CCDC146: variants seen among roughly 807,000 people sequenced by gnomAD.
The protein encoded by CCDC146 is coiled-coil domain containing 146.
CCDC146 carries 92 observed loss-of-function variants against 119.3 expected under a neutral mutation model. The ratio of observed to expected loss-of-function variants is 0.77; its 90% CI spans 0.65 to 0.92. The LOEUF (loss-of-function observed/expected upper bound fraction) is 0.92. Ranked by LOEUF, CCDC146 falls within the 40% of genes least tolerant of loss-of-function variation. The pLI, the probability that CCDC146 is intolerant of heterozygous loss-of-function variation, is 0.00. For missense variants in CCDC146, 1,000 were observed against 1,103.0 expected, an observed-to-expected ratio of 0.91 and a Z score of 1.32; for synonymous variants, 372 against 371.8, an observed-to-expected ratio of 1.00 and a Z score of -0.01.
chr7:77,128,071 G>T (rs1790714589), intron 1 of CCDC146, among the ~76,000 whole-genome samples: 1 of 151,524 alleles, frequency 6.6e-6, no homozygotes, highest in Non-Finnish European at 1.5e-5. Context: ...ACCTTCTCTT[G>T]CCTTTTTAAT....
chr7:77,260,304 A>G, intron 8 of CCDC146, 68 bp downstream of exon 8: 1 of 1,131,530 alleles, frequency 8.8e-7, no homozygotes, highest in Non-Finnish European at 1.2e-6. Context: ...TTGAGAATTC[A>G]AAATCTCACT....
intron 4 of CCDC146, among the ~76,000 whole-genome samples, chr7:77,254,246 C>T (rs1382119656): frequency 6.6e-6 from 1 of 152,118 alleles, no homozygotes; most frequent in Non-Finnish European, 1.5e-5. Context: ...TGTCCCGAGG[C>T]CCGTGGTCCC....
chr7:77,274,668 T>A lies in CCDC146; in HGVS notation c.1440+16T>A, dbSNP rs1294412841. 8 of 1,598,104 alleles carry A rather than the reference T, an allele frequency of 5.0e-6. No individual in the cohort carries two copies. In the Admixed American group the frequency reaches 5.3e-5, roughly 11 times the overall value. Reference sequence around the variant, plus strand: ...GAAAGCTCAGGTAACTGCATTTTTTTAACCATTCATTGATAACTACAAGAG... The same window carrying A: ...GAAAGCTCAGGTAACTGCATTTTTTAAACCATTCATTGATAACTACAAGAG... On this transcript the variant is annotated intron_variant, in intron 11 of 18. Transcript: ENST00000285871.
chr7:77,260,136 G>A lies in CCDC146; in HGVS notation c.886G>A (p.Gly296Ser), dbSNP rs766948572. 3.7e-6 allele frequency: 6 copies of A among 1,613,778 alleles called. No individual in the cohort carries two copies. In the Admixed American group the frequency reaches 8.3e-5, roughly 22 times the overall value. Residue 296 changes from glycine (G) to serine (S), a missense_variant, in exon 8 of 19, where the codon GGC becomes AGC. Around this residue, in one of 2 missense-constraint regions of CCDC146, gnomAD observed 985 missense variants for 1,045.3 expected, o/e 0.94. Coordinates refer to ENST00000285871, the MANE Select transcript of CCDC146 (RefSeq NM_020879.3). The stretch of plus-strand genomic sequence containing the variant: ...GGAAAATGTAATAAAGGAAGTTGAA[G>A]GCAAACGAGCCTTACTTGAAATCAA... The part of the protein sequence containing the change: ...EKENVIKEVE[G>S]KRALLEIKER...
intron 5 of CCDC146, 75 bp from the exon 6 acceptor site, chr7:77,256,258 A>G (rs756180382): frequency 7.0e-6 from 7 of 1,007,056 alleles, no homozygotes; most frequent in African/African-American, 1.6e-5. Flanking sequence ...GGGTGAAATT[A>G]GTTTTAGTTC....
intron 2 of CCDC146, among the ~76,000 whole-genome samples, chr7:77,200,069 A>G (rs1460382949): frequency 6.6e-6 from 1 of 152,252 alleles, no homozygotes; most frequent in East Asian, 1.9e-4. Flanking sequence ...TTTATGAAGT[A>G]TAAGAAAAGT....
chr7:77,133,851 A>ACACACC (rs1347345522), intron 1 of CCDC146, among the ~76,000 whole-genome samples: 4 of 142,138 alleles, frequency 2.8e-5, no homozygotes, highest in Admixed American at 6.9e-5. Context: ...ACACACACAC[A>ACACACC]CACTCACACA....
At chr7:77,206,649 A>G (rs1792084962) in intron 2 of CCDC146, among the ~76,000 whole-genome samples, 1 of 37,378 alleles carries the variant, frequency 2.7e-5, no homozygotes, top group Non-Finnish European at 4.6e-5. Flanking sequence ...AGAAACATAC[A>G]TATATATATA....
chr7:77,199,023 C>A, intron 2 of CCDC146: 1 of 649,564 alleles, frequency 1.5e-6, no homozygotes, highest in South Asian at 2.0e-5. Flanking sequence ...TTTATGTGGT[C>A]ATATTTGAGA....
chr7:77,154,770 G>T (rs1791157737), intron 1 of CCDC146, among the ~76,000 whole-genome samples: 2 of 152,168 alleles, frequency 1.3e-5, no homozygotes, highest in Non-Finnish European at 2.9e-5. Context: ...ACATGTGCGT[G>T]CATGTGTCTT....
At chr7:77,264,836 G>C (rs1793370451) in intron 9 of CCDC146, among the ~76,000 whole-genome samples, 1 of 152,098 alleles carries the variant, frequency 6.6e-6, no homozygotes, top group African/African-American at 2.4e-5. Context: ...CCTTGTTTTA[G>C]ATATGCATCA....
At chr7:77,240,585 G>C (rs1792824438) in intron 3 of CCDC146, among the ~76,000 whole-genome samples, 1 of 152,192 alleles carries the variant, frequency 6.6e-6, no homozygotes, top group Non-Finnish European at 1.5e-5. Context: ...TGGTTGTTAT[G>C]CTGTATTGTT....
intron 2 of CCDC146, chr7:77,195,375 CATT>C (rs750188962): frequency 1.2e-4 from 18 of 152,132 alleles, no homozygotes; most frequent in Non-Finnish European, 2.1e-4. Context: ...TTTGGGGTGA[CATT>C]ATGCTACCAC....
At chr7:77,190,492 G>A (rs1397907931) in intron 2 of CCDC146, among the ~76,000 whole-genome samples, 1 of 152,148 alleles carries the variant, frequency 6.6e-6, no homozygotes, top group Non-Finnish European at 1.5e-5. Flanking sequence ...CTGATGAGTG[G>A]GATGAAGGAG....
intron 1 of CCDC146, among the ~76,000 whole-genome samples, chr7:77,142,549 T>G: frequency 6.6e-6 from 1 of 152,072 alleles, no homozygotes; most frequent in East Asian, 1.9e-4. Context: ...TATCTCCTAA[T>G]GCTTTCCCTC....
chr7:77,273,907 G>A, intron 10 of CCDC146, 118 bp downstream of exon 10: 1 of 532,440 alleles, frequency 1.9e-6, no homozygotes. Flanking sequence ...GTATGATCCT[G>A]CTTCATGTGG....
intron 2 of CCDC146, among the ~76,000 whole-genome samples, chr7:77,218,735 A>G (rs1410497208): frequency 1.3e-5 from 2 of 149,366 alleles, no homozygotes; most frequent in Non-Finnish European, 3.0e-5. Context: ...AATAACTGCC[A>G]TTTTTTTTTA....
At chr7:77,288,766 G>A (rs1009230302) in intron 17 of CCDC146, among the ~76,000 whole-genome samples, 1 of 152,234 alleles carries the variant, frequency 6.6e-6, no homozygotes, top group Non-Finnish European at 1.5e-5. Flanking sequence ...GGGGGAGACA[G>A]ATGAAAACAG....
In CCDC146 at chr7:77,236,919, A is replaced by G. The variant is rs375868858; in HGVS notation, c.157-28A>G. On this transcript the variant is annotated intron_variant, in intron 2 of 18. Transcript: ENST00000285871. ...CTTAAGCCTAAAGAGAATGGTGATTAACAGTGACCTTATGTTCTCTTTGCT... is the reference window on the plus strand; with the variant it reads ...CTTAAGCCTAAAGAGAATGGTGATTGACAGTGACCTTATGTTCTCTTTGCT... The G allele has an allele frequency of 5.2e-6, 8 of 1,538,324 alleles. No individual in the cohort carries two copies. The African/African-American group carries it at 1.1e-4, about 21-fold the overall frequency.
Sources: gnomAD v4.1 joint callset for allele counts (sites outside exome capture counted in the v4.1 genomes callset) on GRCh38, gnomAD v4.1.1 for gene constraint, gnomAD v4.1.1 regional missense constraint, MANE v1.5 for transcripts, NCBI Gene and HGNC (gene_info 2026-07-23, HGNC 2026-07-21) for gene names.